The following LRBA variants were observed in gnomAD, a reference collection of about 807,000 sequenced individuals.
The protein encoded by LRBA is LPS responsive beige-like anchor protein.
In LRBA, 176 loss-of-function variants were observed where a neutral mutation model predicts 330.0. That is an observed-to-expected ratio of 0.53 (90% confidence interval 0.47 to 0.60). LRBA has a LOEUF of 0.60. Among genes scored for constraint, LRBA ranks in the 20% least tolerant of loss-of-function variants. LRBA has a pLI of 0.00. For synonymous variants in LRBA, 1,230 were observed against 1,193.0 expected (o/e 1.03, Z -0.64); for missense variants, 3,259 against 3,444.8 (o/e 0.95, Z 1.35).
intron 36 of LRBA, among the ~76,000 whole-genome samples, chr4:150,731,707 G>T (rs1730480405): frequency 2.0e-5 from 3 of 152,124 alleles, no homozygotes; most frequent in African/African-American, 7.2e-5. Context: ...GGTAGTGAGG[G>T]TGTCACGGGT....
intron 37 of LRBA, among the ~76,000 whole-genome samples, chr4:150,639,741 A>ATATATATATATATGTGTGTATGTG (rs1285724708): frequency 6.9e-4 from 1 of 1,458 alleles, no homozygotes; most frequent in Non-Finnish European, 1.5e-3. Flanking sequence ...CCCCAAATAT[A>ATATATATATATATGTGTGTATGTG]TATATATATA....
At chr4:150,963,255 G>A (rs1306286364) in intron 2 of LRBA, among the ~76,000 whole-genome samples, 1 of 148,472 alleles carries the variant, frequency 6.7e-6, no homozygotes, top group Non-Finnish European at 1.5e-5. Flanking sequence ...GGACTGTACT[G>A]CTGCCATCTT....
At position 150,916,432 on chromosome 4, in the gene LRBA, T is replaced by G; in HGVS notation, c.863A>C (p.His288Pro). 1 of 1,613,668 alleles carries G rather than the reference T, an allele frequency of 6.2e-7. No homozygotes were observed. The highest frequency in any genetic ancestry group is 8.5e-7 in the Non-Finnish European group (1 of 1,179,786). ...SIKSKGKGFQ[H>P]CVKFDFKPQK... ...TGGCTTGAAATCAAATTTCACACAG[T>G]GTTGAAAGCCTTTTCCTTTTGACTT... Residue 288 changes from histidine (H) to proline (P), a missense_variant, in exon 7 of 57, where the codon CAC (histidine) becomes CCC (proline). His to Pro is a moderately conservative substitution (Grantham distance 77). Transcript: ENST00000651943.
At chr4:150,385,460 C>T (rs993133195) in intron 47 of LRBA, among the ~76,000 whole-genome samples, 1 of 151,850 alleles carries the variant, frequency 6.6e-6, no homozygotes, top group African/African-American at 2.4e-5. Flanking sequence ...CAAGTATCTG[C>T]CTAATTCTGG....
At chr4:150,910,312 C>T (rs1488804590) in intron 9 of LRBA, among the ~76,000 whole-genome samples, 2 of 151,948 alleles carry the variant, frequency 1.3e-5, no homozygotes, top group Non-Finnish European at 2.9e-5. Context: ...GTCTTTAATC[C>T]ATTTTCAGCT....
At chr4:150,893,505 A>G (rs1300545790) in intron 16 of LRBA, among the ~76,000 whole-genome samples, 2 of 151,944 alleles carry the variant, frequency 1.3e-5, no homozygotes, top group Non-Finnish European at 2.9e-5. Context: ...GTGCACCACC[A>G]CATCTGGCTA....
At chr4:150,491,852 C>T (rs140373585) in intron 40 of LRBA, among the ~76,000 whole-genome samples, 1 of 152,216 alleles carries the variant, frequency 6.6e-6, no homozygotes, top group East Asian at 1.9e-4. Flanking sequence ...GAAAACCAGA[C>T]TCAGCATTTC....
intron 56 of LRBA, among the ~76,000 whole-genome samples, chr4:150,271,807 A>C (rs1239943702): frequency 6.6e-6 from 1 of 152,116 alleles, no homozygotes. Context: ...CTGCCTCTCT[A>C]GATTCCTCCT....
intron 38 of LRBA, among the ~76,000 whole-genome samples, chr4:150,593,620 A>G (rs1391491720): frequency 6.6e-6 from 1 of 152,222 alleles, no homozygotes; most frequent in East Asian, 1.9e-4. Context: ...TGTTTTTCAT[A>G]GTGCATTTTA....
chr4:150,865,007 T>A (rs1439253029), intron 22 of LRBA, among the ~76,000 whole-genome samples: 1 of 152,264 alleles, frequency 6.6e-6, no homozygotes, highest in East Asian at 1.9e-4. Flanking sequence ...CAGCCATCTT[T>A]CCTAAGGACT....
intron 9 of LRBA, among the ~76,000 whole-genome samples, chr4:150,910,083 T>C (rs1019752874): frequency 1.3e-5 from 2 of 152,182 alleles, no homozygotes; most frequent in Non-Finnish European, 2.9e-5. Context: ...GATTGCTAAA[T>C]ATTTTCTCTC....
intron 34 of LRBA, among the ~76,000 whole-genome samples, chr4:150,773,960 A>G (rs2126545760): frequency 6.6e-6 from 1 of 152,358 alleles, no homozygotes; most frequent in South Asian, 2.1e-4. Context: ...TCCCCAGTGA[A>G]CAGTAACCCT....
rs1561457814 is a variant in LRBA at position 150,639,809 on chromosome 4, GTGTGTGTGTGTATATATA to G, written c.5922-40696_5922-40679del. 8.5e-3 allele frequency among the ~76,000 whole-genome samples: 52 copies of G among 6,118 alleles called. 7 individuals carry two copies. Among genetic ancestry groups the G allele is most frequent in the African/African-American group, 0.021 (47 of 2,250 alleles). 4.0% of individuals were successfully genotyped at this position (6,118 alleles called of 152,430 possible). On this transcript the variant is annotated intron_variant, in intron 37 of 56. Transcript: ENST00000651943. The stretch of plus-strand genomic sequence containing the variant: ...TGTGTGTGTATATATATATATATGT[GTGTGTGTGTGTATATATA>G]TATATATATATATATATATATATAT...
At chr4:150,812,822 T>C (rs1024052140) in intron 31 of LRBA, among the ~76,000 whole-genome samples, 9 of 152,318 alleles carry the variant, frequency 5.9e-5, no homozygotes, top group African/African-American at 2.2e-4. Context: ...ACTATTGAGC[T>C]AGTTTCAATT....
chr4:150,647,340 T>G (rs984393851), intron 37 of LRBA, among the ~76,000 whole-genome samples: 3 of 144,834 alleles, frequency 2.1e-5, no homozygotes, highest in African/African-American at 7.6e-5. Context: ...AAAAGTAAAA[T>G]GATTACTTTT....
At chr4:150,928,657 T>C (rs1267767403) in intron 3 of LRBA, 41 bp from the exon 4 acceptor site, 2 of 1,502,396 alleles carry the variant, frequency 1.3e-6, no homozygotes. Flanking sequence ...CAGCTAGTTA[T>C]ATTTCTCGAA....
In LRBA at chr4:150,436,758, G is replaced by T. The variant is rs151286835; in HGVS notation, c.6887C>A (p.Thr2296Asn). 1,034 of 1,613,108 alleles carry T rather than the reference G, an allele frequency of 6.4e-4. No homozygotes were observed. The highest frequency in any genetic ancestry group is 5.0e-4 in the Non-Finnish European group (585 of 1,179,406). ...CAGCCATGCAAGAACAAAACTTGCA[G>T]TTGAGTAATGAGTACCATAGTGAAA... ...PKFHYGTHYS[T>N]ASFVLAWLLR... Residue 2296 changes from threonine to asparagine, a missense_variant, in exon 45 of 57, where the codon ACT becomes AAT. Transcript: ENST00000651943.
At position 150,265,211 on chromosome 4, in the gene LRBA, A is replaced by T. The variant is rs998745987; in HGVS notation, c.*511T>A. On this transcript the variant is annotated 3_prime_UTR_variant, in exon 57 of 57. Coordinates refer to ENST00000651943, the MANE Select transcript of LRBA (RefSeq NM_001364905.1). The stretch of plus-strand genomic sequence containing the variant: ...ATATTGATAGACAGACTTAATTGAG[A>T]TGTTTTAAATTACATTTACCATAAT... The T allele has an allele frequency of 2.6e-5, 4 of 155,130 alleles. No homozygotes were observed. Among genetic ancestry groups the T allele is most frequent in the African/African-American group, 9.6e-5 (4 of 41,456 alleles). 9.6% of individuals were successfully genotyped at this position (155,130 alleles called of 1,614,324 possible). A position where few individuals can be genotyped will look rare whatever the true frequency, so the allele number is the denominator to read the frequency against.
chr4:150,868,432 T>C (rs1753012800), intron 20 of LRBA, 127 bp from the exon 21 acceptor site: 2 of 498,118 alleles, frequency 4.0e-6, no homozygotes, highest in Non-Finnish European at 3.4e-6. Flanking sequence ...TCCTCTTCTG[T>C]TATTAAAAAA....
Sources: gnomAD v4.1 joint callset for allele counts (sites outside exome capture counted in the v4.1 genomes callset) on GRCh38, gnomAD v4.1.1 for gene constraint, MANE v1.5 for transcripts, NCBI Gene and HGNC (gene_info 2026-07-23, HGNC 2026-07-21) for gene names.